RILPL1: variants seen among roughly 807,000 people sequenced by gnomAD.
RILPL1 encodes RILP-like protein 1.
A neutral mutation model predicts 50.3 loss-of-function variants in RILPL1; 33 were observed. The ratio of observed to expected loss-of-function variants is 0.66; its 90% CI spans 0.50 to 0.88. RILPL1 has a LOEUF of 0.88. Ranked by LOEUF, RILPL1 falls within the 40% of genes least tolerant of loss-of-function variation. RILPL1 has a pLI of 0.00. For synonymous variants in RILPL1, 205 were observed against 228.6 expected, an observed-to-expected ratio of 0.90 and a Z score of 0.93; for missense variants, 418 against 542.5, an observed-to-expected ratio of 0.77 and a Z score of 2.28.
At chr12:123,523,419 G>C in intron 2 of RILPL1, 76 bp downstream of exon 2, 2 of 1,552,800 alleles carry the variant, frequency 1.3e-6, no homozygotes, top group South Asian at 1.1e-5. Context: ...TCCAGGGGTG[G>C]TGGCGACAAT....
chr12:123,476,302 G>A (rs1402752450), intron 6 of RILPL1, among the ~76,000 whole-genome samples: 120 of 130,394 alleles, frequency 9.2e-4, no homozygotes, highest in Non-Finnish European at 1.4e-3. Context: ...TTAGCCGGGC[G>A]TGGTGGCGCA....
intron 2 of RILPL1, among the ~76,000 whole-genome samples, chr12:123,499,886 C>A (rs1288090348): frequency 1.3e-5 from 2 of 152,104 alleles, no homozygotes; most frequent in East Asian, 1.9e-4. Context: ...CTACCTCCCC[C>A]ACACCTCATT....
intron 2 of RILPL1, among the ~76,000 whole-genome samples, chr12:123,511,423 GAGGTCTC>G: frequency 6.9e-6 from 1 of 145,790 alleles, no homozygotes; most frequent in African/African-American, 2.5e-5. Flanking sequence ...GTCTGTGTGT[GAGGTCTC>G]TGTGTGTGTG....
At position 123,507,358 on chromosome 12, in the gene RILPL1, T is replaced by C. The variant is rs1434733001; in HGVS notation, c.461-7822A>G. On this transcript the variant is annotated intron_variant, in intron 2 of 6. Coordinates refer to ENST00000376874, the MANE Select transcript of RILPL1 (RefSeq NM_178314.5). The stretch of plus-strand genomic sequence containing the variant: ...CAGGAGGACTGCCTGAGCCCAGGAG[T>C]TCGAGACCAGCCACTGCAATACAGG... 4.7e-5 allele frequency among the ~76,000 whole-genome samples: 7 copies of C among 150,478 alleles called. No homozygotes were observed. The East Asian group carries it at 1.2e-3, about 25-fold the overall frequency.
chr12:123,533,053 G>T lies in RILPL1; in HGVS notation c.309+121C>A. ...GGGCCTCCCTCCCTCCCCACGTCGG[G>T]TCTCCTCTGGTCCGGTCCCTGAACA... On this transcript the variant is annotated intron_variant, in intron 1 of 6. Transcript: ENST00000376874. The surrounding 1 kb of genome is among the most constrained non-coding windows in gnomAD (Gnocchi z 6.2). The T allele has an allele frequency of 9.2e-7, 1 of 1,084,082 alleles. No individual in the cohort carries two copies. Among genetic ancestry groups the T allele is most frequent in the Non-Finnish European group, 1.3e-6 (1 of 781,250 alleles). 67.2% of individuals were successfully genotyped at this position (1,084,082 alleles called of 1,614,324 possible). A position where few individuals can be genotyped will look rare whatever the true frequency, so the allele number is the denominator to read the frequency against.
At chr12:123,494,874 A>G (rs998411388) in intron 4 of RILPL1, among the ~76,000 whole-genome samples, 1 of 152,088 alleles carries the variant, frequency 6.6e-6, no homozygotes, top group Non-Finnish European at 1.5e-5. Flanking sequence ...TACTACTCAG[A>G]GCTCTGTGTG....
chr12:123,502,502 C>A (rs1323903756), intron 2 of RILPL1, among the ~76,000 whole-genome samples: 2 of 152,236 alleles, frequency 1.3e-5, no homozygotes, highest in East Asian at 1.9e-4. Flanking sequence ...ACAACTTTCA[C>A]AGTTAATACA....
intron 1 of RILPL1, among the ~76,000 whole-genome samples, chr12:123,530,456 C>T (rs1479541817): frequency 1.3e-5 from 2 of 152,150 alleles, no homozygotes; most frequent in Admixed American, 6.6e-5. Context: ...TGTGAGCCAC[C>T]GCGCCCAGCC....
At chr12:123,523,919 T>G (rs1354315420) in intron 1 of RILPL1, among the ~76,000 whole-genome samples, 1 of 152,228 alleles carries the variant, frequency 6.6e-6, no homozygotes, top group Admixed American at 6.5e-5. Context: ...TGCCGCATCT[T>G]GGAGCTCTCT....
intron 6 of RILPL1, among the ~76,000 whole-genome samples, chr12:123,476,397 C>T (rs1034186356): frequency 6.8e-6 from 1 of 148,026 alleles, no homozygotes; most frequent in Non-Finnish European, 1.5e-5. Context: ...GCCGAGATCG[C>T]GCCATTGCAC....
intron 2 of RILPL1, among the ~76,000 whole-genome samples, chr12:123,521,670 T>A (rs1222583110): frequency 1.1e-4 from 2 of 17,408 alleles, no homozygotes; most frequent in African/African-American, 2.3e-4. Flanking sequence ...TGTATATATA[T>A]AAATATATAT....
At chr12:123,532,713 G>A (rs1021128831) in intron 1 of RILPL1, among the ~76,000 whole-genome samples, 3 of 130,520 alleles carry the variant, frequency 2.3e-5, no homozygotes, top group South Asian at 6.1e-4. Flanking sequence ...TGGGGGGGGG[G>A]GGGATGAAGA....
chr12:123,505,492 A>T (rs960792325), intron 2 of RILPL1, among the ~76,000 whole-genome samples: 1 of 151,950 alleles, frequency 6.6e-6, no homozygotes, highest in Non-Finnish European at 1.5e-5. Flanking sequence ...TTGGCTAATT[A>T]AAAAAAATTT....
chr12:123,477,337 C>CTTTT (rs371346379), intron 6 of RILPL1, among the ~76,000 whole-genome samples: 225 of 105,278 alleles, frequency 2.1e-3, no homozygotes, highest in African/African-American at 3.1e-3. Context: ...TTCTTTCTTT[C>CTTTT]TTTTTTTTTT....
chr12:123,528,272 T>C (rs990771397), intron 1 of RILPL1, among the ~76,000 whole-genome samples: 2 of 151,326 alleles, frequency 1.3e-5, no homozygotes, highest in African/African-American at 4.8e-5. Context: ...GGCGGGAGGA[T>C]TGCTTGAGCC....
intron 2 of RILPL1, among the ~76,000 whole-genome samples, chr12:123,516,733 G>A (rs949523275): frequency 6.6e-6 from 1 of 152,146 alleles, no homozygotes; most frequent in African/African-American, 2.4e-5. Flanking sequence ...GGGGGATGAG[G>A]GGTAGGCCCT....
intron 2 of RILPL1, chr12:123,513,893 C>T (rs1884535400): frequency 6.6e-6 from 1 of 152,190 alleles, no homozygotes; most frequent in South Asian, 2.1e-4. Context: ...ACAGCAGCCA[C>T]ACGTGTGGGA....
chr12:123,533,161 G>C lies in RILPL1; in HGVS notation c.309+13C>G. 6.6e-6 allele frequency: 10 copies of C among 1,522,688 alleles called. No homozygotes were observed. The highest frequency in any genetic ancestry group is 8.8e-6 in the Non-Finnish European group (10 of 1,135,784). The allele number at this position is 1,522,688 out of a possible 1,614,324, so 94.3% of individuals were successfully genotyped here. ...CCCACTGCCCGGACGGACAGACCGAGGCCGCCGCCCACCTTCTGGTGCTTG... is the reference window on the plus strand; with the variant it reads ...CCCACTGCCCGGACGGACAGACCGACGCCGCCGCCCACCTTCTGGTGCTTG... On this transcript the variant is annotated intron_variant, in intron 1 of 6. Transcript: ENST00000376874. This position sits in a 1 kb window ranked among gnomAD's most constrained non-coding sequence, Gnocchi z 6.2.
In RILPL1 at chr12:123,533,128, C is replaced by T. The variant is rs1209921274; in HGVS notation, c.309+46G>A. 6.8e-7 allele frequency: 1 copy of T among 1,481,184 alleles called. No individual in the cohort carries two copies. Among genetic ancestry groups the T allele is most frequent in the Non-Finnish European group, 9.0e-7 (1 of 1,113,162 alleles). 91.8% of individuals were successfully genotyped at this position (1,481,184 alleles called of 1,614,324 possible). A position where few individuals can be genotyped will look rare whatever the true frequency, so the allele number is the denominator to read the frequency against. Reference sequence around the variant, plus strand: ...CCCAATGCGGAAGAGCCCTTGGGTCCCCGCGGTCCCACTGCCCGGACGGAC... The same window carrying T: ...CCCAATGCGGAAGAGCCCTTGGGTCTCCGCGGTCCCACTGCCCGGACGGAC... On this transcript the variant is annotated intron_variant, in intron 1 of 6. Coordinates refer to ENST00000376874, the MANE Select transcript of RILPL1 (RefSeq NM_178314.5). The surrounding 1 kb of genome is among the most constrained non-coding windows in gnomAD (Gnocchi z 6.2).
Sources: gnomAD v4.1 joint callset for allele counts (sites outside exome capture counted in the v4.1 genomes callset) on GRCh38, gnomAD v4.1.1 for gene constraint, Gnocchi (gnomAD v3.1) non-coding constraint, MANE v1.5 for transcripts, NCBI Gene and HGNC (gene_info 2026-07-23, HGNC 2026-07-21) for gene names.